SOX6: variants seen among roughly 807,000 people sequenced by gnomAD.
The protein encoded by SOX6 is SRY-box transcription factor 6.
Under a neutral mutation model 97.8 loss-of-function variants are expected in SOX6, and 11 were observed. The observed-to-expected ratio is 0.11, with a 90% CI of 0.07 to 0.19. The LOEUF (loss-of-function observed/expected upper bound fraction) is 0.19, where lower values mean the gene tolerates loss of function less well. SOX6 is among the 10% of genes least tolerant of loss of function. SOX6 has a pLI of 1.00. For missense variants in SOX6, 810 were observed against 1,039.5 expected (o/e 0.78, Z 3.04); for synonymous variants, 360 against 371.4 (o/e 0.97, Z 0.35).
intron 3 of SOX6, among the ~76,000 whole-genome samples, chr11:16,688,363 T>C (rs1401689271): frequency 6.6e-6 from 1 of 152,098 alleles, no homozygotes; most frequent in Admixed American, 6.5e-5. Flanking sequence ...TACTTAAATA[T>C]TTTTCTTTCC....
intron 15 of SOX6, among the ~76,000 whole-genome samples, chr11:15,975,847 T>C (rs1474761245): frequency 6.6e-6 from 1 of 152,094 alleles, no homozygotes; most frequent in African/African-American, 2.4e-5. Flanking sequence ...ACTTAGCAAT[T>C]TAAATCGGAA....
intron 14 of SOX6, among the ~76,000 whole-genome samples, chr11:15,988,510 C>G (rs984334308): frequency 6.6e-6 from 1 of 152,188 alleles, no homozygotes; most frequent in African/African-American, 2.4e-5. Context: ...CCATGAATTT[C>G]ATACCATTTT....
intron 4 of SOX6, among the ~76,000 whole-genome samples, chr11:16,539,840 AC>A (rs1861374641): frequency 6.6e-6 from 1 of 152,150 alleles, no homozygotes. Flanking sequence ...TAGCCTACCA[AC>A]CAAAAAAAGT....
intron 14 of SOX6, among the ~76,000 whole-genome samples, chr11:15,988,152 C>T (rs1025281521): frequency 2.6e-5 from 4 of 152,174 alleles, no homozygotes; most frequent in African/African-American, 7.2e-5. Context: ...TTTGTCACAT[C>T]GTGACAGCTT....
chr11:16,609,726 TAA>T (rs1429265635), intron 4 of SOX6, among the ~76,000 whole-genome samples: 2 of 152,158 alleles, frequency 1.3e-5, no homozygotes, highest in African/African-American at 4.8e-5. Context: ...AAAAAAGAGA[TAA>T]GAGTGAAGAT....
rs145183749 is a variant in SOX6, at chr11:16,610,600, A to G, written n.609+1481T>C. 4.2e-3 allele frequency among the ~76,000 whole-genome samples: 633 copies of G among 152,312 alleles called. 3 individuals carry two copies. Among genetic ancestry groups the G allele is most frequent in the Non-Finnish European group, 7.3e-3 (494 of 68,026 alleles). Reference sequence around the variant, plus strand: ...CTTTTAGATTTTATCTAATAAACTGATAGCAAAGTATATTGATAAGGCGGA... The same window carrying G: ...CTTTTAGATTTTATCTAATAAACTGGTAGCAAAGTATATTGATAAGGCGGA... On this transcript the variant is annotated intron_variant and non_coding_transcript_variant, in intron 4 of 5. Transcript: ENST00000524520. The surrounding 1 kb of genome is among the most constrained non-coding windows in gnomAD (Gnocchi z 4.4).
intron 4 of SOX6, among the ~76,000 whole-genome samples, chr11:16,233,168 T>C (rs1287501595): frequency 6.6e-6 from 1 of 152,128 alleles, no homozygotes; most frequent in Non-Finnish European, 1.5e-5. Flanking sequence ...CCATGACCAA[T>C]AGGAAGATTC....
intron 4 of SOX6, among the ~76,000 whole-genome samples, chr11:16,503,496 C>A (rs1590226020): frequency 6.6e-6 from 1 of 152,246 alleles, no homozygotes; most frequent in African/African-American, 2.4e-5. Flanking sequence ...AATATATAGA[C>A]TGGTTGAATG....
chr11:16,285,976 T>A (rs1213075062), intron 3 of SOX6, among the ~76,000 whole-genome samples: 1 of 152,162 alleles, frequency 6.6e-6, no homozygotes, highest in East Asian at 1.9e-4. Context: ...ATAAAATGAA[T>A]ACGTTTCTAT....
intron 3 of SOX6, among the ~76,000 whole-genome samples, chr11:16,270,990 C>A (rs927731530): frequency 2.6e-5 from 4 of 151,240 alleles, no homozygotes; most frequent in African/African-American, 9.7e-5. Flanking sequence ...ATGAATTGTA[C>A]ACTTAAAATG....
At chr11:16,599,827 GT>G (rs556289790) in intron 4 of SOX6, among the ~76,000 whole-genome samples, 2 of 152,020 alleles carry the variant, frequency 1.3e-5, no homozygotes, top group East Asian at 3.9e-4. Flanking sequence ...AAAAATGAAA[GT>G]TTTTTTGAGT....
At chr11:16,255,547 TG>T (rs1481555153) in intron 3 of SOX6, among the ~76,000 whole-genome samples, 1 of 152,054 alleles carries the variant, frequency 6.6e-6, no homozygotes, top group African/African-American at 2.4e-5. Flanking sequence ...TAAAATATTT[TG>T]TACTAAATTG....
chr11:16,361,893 A>G lies in SOX6; in HGVS notation c.-4-20641T>C, dbSNP rs1233418294. Among the ~76,000 whole-genome samples the G allele has an allele frequency of 2.0e-5, 3 of 152,254 alleles. No homozygotes were observed. In the East Asian group the frequency reaches 5.8e-4, roughly 29 times the overall value. ...TGATAACTTCAAAATCATGAAAACT[A>G]GACGTAAGTGCTATATGCTTGTATG... On this transcript the variant is annotated intron_variant, in intron 1 of 15. Transcript: ENST00000396356.
chr11:16,222,371 C>T (rs1471561563), intron 4 of SOX6, among the ~76,000 whole-genome samples: 3 of 151,992 alleles, frequency 2.0e-5, no homozygotes, highest in African/African-American at 7.2e-5. Context: ...TGTCACCACA[C>T]CCAGCTACTT....
chr11:16,355,340 C>T (rs1330367870), intron 1 of SOX6, among the ~76,000 whole-genome samples: 6 of 151,892 alleles, frequency 4.0e-5, no homozygotes, highest in Non-Finnish European at 8.8e-5. Flanking sequence ...CAGAAAAATT[C>T]AAAAGAAATG....
intron 6 of SOX6, among the ~76,000 whole-genome samples, chr11:16,126,602 C>T (rs957498685): frequency 2.0e-4 from 31 of 152,220 alleles, no homozygotes; most frequent in African/African-American, 7.2e-4. Context: ...AAAAGCACTA[C>T]AAACACATAA....
chr11:16,017,080 T>C lies in SOX6; in HGVS notation c.1624-2030A>G, dbSNP rs979191358. On this transcript the variant is annotated intron_variant, in intron 12 of 15. Transcript: ENST00000683767. ...AGGAAGGAGAAGAGGGAAAATTACATGCCATGGTTTGTAAAATCCTAAGAC... is the reference window on the plus strand; with the variant it reads ...AGGAAGGAGAAGAGGGAAAATTACACGCCATGGTTTGTAAAATCCTAAGAC... Among the ~76,000 whole-genome samples the C allele has an allele frequency of 2.3e-4, 35 of 152,018 alleles. 3 individuals carry two copies. The highest frequency in any genetic ancestry group is 5.8e-4 in the African/African-American group (24 of 41,420).
chr11:16,231,728 A>C (rs1248927518), intron 4 of SOX6, among the ~76,000 whole-genome samples: 1 of 151,774 alleles, frequency 6.6e-6, no homozygotes, highest in Admixed American at 6.6e-5. Context: ...AAACAATAAA[A>C]ACAACTTAAA....
intron 4 of SOX6, among the ~76,000 whole-genome samples, chr11:16,489,198 A>G (rs1860476845): frequency 6.6e-6 from 1 of 152,178 alleles, no homozygotes; most frequent in South Asian, 2.1e-4. Flanking sequence ...TGAACATTTG[A>G]AATTGGAAAA....
Sources: allele counts gnomAD v4.1 joint callset (sites outside exome capture counted in the v4.1 genomes callset), GRCh38; gene constraint gnomAD v4.1.1; non-coding constraint Gnocchi (gnomAD v3.1); transcripts MANE v1.5; gene names NCBI Gene and HGNC (gene_info 2026-07-23, HGNC 2026-07-21).